CNOT4: variants seen among roughly 807,000 people sequenced by gnomAD.
The protein encoded by CNOT4 is CCR4-NOT transcription complex subunit 4, also known as CCR4-associated factor 4.
A neutral mutation model predicts 73.8 loss-of-function variants in CNOT4; 8 were observed. The observed-to-expected ratio is 0.11, with a 90% confidence interval of 0.06 to 0.20. CNOT4 has a LOEUF of 0.20. Among genes scored for constraint, CNOT4 ranks in the 10% least tolerant of loss-of-function variants. The pLI, the probability that CNOT4 is intolerant of heterozygous loss-of-function variation, is 1.00. For synonymous variants in CNOT4, 293 were observed against 321.1 expected (o/e 0.91, Z 0.94); for missense variants, 564 against 883.4 (o/e 0.64, Z 4.58).
chr7:135,405,304 C>G (rs565629083), intron 7 of CNOT4, among the ~76,000 whole-genome samples: 6 of 152,292 alleles, frequency 3.9e-5, no homozygotes, highest in African/African-American at 1.4e-4. Flanking sequence ...TCCATTTCCT[C>G]AATGATGGCT....
chr7:135,410,977 G>A (rs1388644100), intron 6 of CNOT4, among the ~76,000 whole-genome samples: 1 of 151,818 alleles, frequency 6.6e-6, no homozygotes, highest in Non-Finnish European at 1.5e-5. Flanking sequence ...CTCAAAAAGT[G>A]TAAGGTCCAC....
At chr7:135,399,837 A>G (rs1273728639) in intron 7 of CNOT4, among the ~76,000 whole-genome samples, 1 of 152,136 alleles carries the variant, frequency 6.6e-6, no homozygotes, top group Non-Finnish European at 1.5e-5. Context: ...ATATTAAGTA[A>G]TATGGGTAAT....
chr7:135,450,972 C>A (rs951009436), intron 1 of CNOT4, among the ~76,000 whole-genome samples: 2 of 151,952 alleles, frequency 1.3e-5, no homozygotes, highest in African/African-American at 2.4e-5. Context: ...AAAAATAAGA[C>A]CCTCCAGAAA....
chr7:135,495,504 C>CA (rs150007748), intron 1 of CNOT4, among the ~76,000 whole-genome samples: 5,520 of 54,592 alleles, frequency 0.1, 389 homozygotes, highest in Middle Eastern at 0.15. Context: ...GACTCTGCCT[C>CA]AAAAAAAAAA....
intron 10 of CNOT4, among the ~76,000 whole-genome samples, chr7:135,369,664 C>G (rs1042534367): frequency 6.6e-6 from 1 of 152,224 alleles, no homozygotes; most frequent in Non-Finnish European, 1.5e-5. Flanking sequence ...ATGATTAACT[C>G]TTTGCCATTT....
intron 1 of CNOT4, among the ~76,000 whole-genome samples, chr7:135,441,176 CA>C (rs1215726484): frequency 1.3e-5 from 2 of 151,634 alleles, no homozygotes; most frequent in African/African-American, 2.4e-5. Context: ...TCACAAAAGA[CA>C]AAACGGAGGT....
At chr7:135,463,560 A>C (rs1197922769) in intron 1 of CNOT4, among the ~76,000 whole-genome samples, 3 of 304 alleles carry the variant, frequency 9.9e-3, no homozygotes, top group African/African-American at 0.042. Flanking sequence ...AAAAAAAAAA[A>C]ACCAACCAAC....
chr7:135,477,564 A>G (rs1802076523), intron 1 of CNOT4, among the ~76,000 whole-genome samples: 1 of 152,218 alleles, frequency 6.6e-6, no homozygotes, highest in Non-Finnish European at 1.5e-5. Context: ...GAAAAGAATG[A>G]GTACATTGTT....
At chr7:135,486,752 T>C (rs1354541514) in intron 1 of CNOT4, among the ~76,000 whole-genome samples, 1 of 152,118 alleles carries the variant, frequency 6.6e-6, no homozygotes, top group African/African-American at 2.4e-5. Context: ...ACAACACAGA[T>C]GAACTCAGAA....
intron 1 of CNOT4, among the ~76,000 whole-genome samples, chr7:135,467,339 T>A (rs546162547): frequency 1.3e-5 from 2 of 152,348 alleles, no homozygotes; most frequent in East Asian, 3.9e-4. Flanking sequence ...CAAATCTGTC[T>A]ATTCCATGCT....
At chr7:135,413,259 T>C (rs1006367099) in intron 6 of CNOT4, among the ~76,000 whole-genome samples, 2 of 151,976 alleles carry the variant, frequency 1.3e-5, no homozygotes, top group African/African-American at 4.8e-5. Context: ...AACCTGTTCA[T>C]CTTCATTAAT....
chr7:135,404,774 A>G (rs1047695182), intron 7 of CNOT4, among the ~76,000 whole-genome samples: 12 of 152,172 alleles, frequency 7.9e-5, no homozygotes, highest in African/African-American at 2.9e-4. Context: ...AAATCGATAA[A>G]TTCCTATAAA....
chr7:135,465,329 A>C (rs1407780505), intron 1 of CNOT4, among the ~76,000 whole-genome samples: 1 of 152,050 alleles, frequency 6.6e-6, no homozygotes, highest in Non-Finnish European at 1.5e-5. Flanking sequence ...GCTGACTGCT[A>C]CTCCCACAAC....
chr7:135,461,238 A>AC (rs1405028118), intron 1 of CNOT4, among the ~76,000 whole-genome samples: 1 of 151,984 alleles, frequency 6.6e-6, no homozygotes, highest in Non-Finnish European at 1.5e-5. Context: ...TTTAATTCTC[A>AC]CCCCCACACA....
chr7:135,390,069 G>C (rs1176693308), intron 10 of CNOT4, among the ~76,000 whole-genome samples: 1 of 152,056 alleles, frequency 6.6e-6, no homozygotes, highest in Non-Finnish European at 1.5e-5. Flanking sequence ...ATTCTATTTT[G>C]TAACAATAGG....
At chr7:135,486,785 G>C (rs1802747351) in intron 1 of CNOT4, among the ~76,000 whole-genome samples, 1 of 152,096 alleles carries the variant, frequency 6.6e-6, no homozygotes, top group African/African-American at 2.4e-5. Context: ...GGGCACATAA[G>C]AATAGTCTCC....
intron 1 of CNOT4, among the ~76,000 whole-genome samples, chr7:135,475,147 A>C (rs951583440): frequency 6.6e-6 from 1 of 152,222 alleles, no homozygotes; most frequent in South Asian, 2.1e-4. Flanking sequence ...ATAAAACTTT[A>C]TCAAAGCTAA....
At chr7:135,414,067 T>A (rs1218476889) in intron 5 of CNOT4, among the ~76,000 whole-genome samples, 1 of 152,054 alleles carries the variant, frequency 6.6e-6, no homozygotes, top group African/African-American at 2.4e-5. Flanking sequence ...ATGGTACTAT[T>A]TTCACAAAAT....
intron 10 of CNOT4, among the ~76,000 whole-genome samples, chr7:135,367,070 G>A (rs942425735): frequency 1.3e-5 from 2 of 152,076 alleles, no homozygotes; most frequent in African/African-American, 4.8e-5. Flanking sequence ...GGGAGGTTTA[G>A]CAGCATTGCC....
Sources: allele counts gnomAD v4.1 joint callset (sites outside exome capture counted in the v4.1 genomes callset), GRCh38; gene constraint gnomAD v4.1.1; transcripts MANE v1.5; gene names NCBI Gene and HGNC (gene_info 2026-07-23, HGNC 2026-07-21).